Variants in PSMD8 observed in about 807,000 individuals in gnomAD.
PSMD8 encodes proteasome 26S subunit, non-ATPase 8.
Under a neutral mutation model 40.0 loss-of-function variants are expected in PSMD8, and 30 were observed. The ratio of observed to expected loss-of-function variants is 0.75; its 90% CI spans 0.56 to 1.02. PSMD8 has a LOEUF of 1.02. PSMD8 is among the 50% of genes least tolerant of loss of function. The probability of loss-of-function intolerance (pLI) is 0.00; values close to 1 mark genes in which losing one functional copy is unlikely to be tolerated. For missense variants in PSMD8, 461 were observed against 463.9 expected (o/e 0.99, Z 0.06); for synonymous variants, 208 against 192.5 (o/e 1.08, Z -0.67).
intron 4 of PSMD8, among the ~76,000 whole-genome samples, chr19:38,380,266 A>G (rs1187580811): frequency 1.3e-5 from 2 of 152,212 alleles, no homozygotes; most frequent in Non-Finnish European, 2.9e-5. Context: ...AGCCTGGGCA[A>G]CAGGCTCAAA....
chr19:38,380,723 T>TGCGCGC (rs1555743510), intron 4 of PSMD8, among the ~76,000 whole-genome samples, 176 bp from the exon 5 acceptor site: 1 of 143,896 alleles, frequency 6.9e-6, no homozygotes, highest in Non-Finnish European at 1.5e-5. Flanking sequence ...TGTGTGTGTG[T>TGCGCGC]GTGTGTGCGC....
chr19:38,376,286 T>TG (rs1255320993), intron 2 of PSMD8, 54 bp downstream of exon 2: 2 of 1,536,978 alleles, frequency 1.3e-6, no homozygotes. Context: ...ATGGCAGGAA[T>TG]GGTAGCACTG....
At chr19:38,382,301 G>C in intron 6 of PSMD8, 73 bp downstream of exon 6, 1 of 1,217,650 alleles carries the variant, frequency 8.2e-7, no homozygotes. Flanking sequence ...GGGTGGCTTA[G>C]AGGGACACTG....
chr19:38,380,728 G>GTA lies in PSMD8; in HGVS notation c.703-170_703-169insAT, dbSNP rs1298893413. Among the ~76,000 whole-genome samples the GTA allele has an allele frequency of 2.0e-5, 3 of 151,608 alleles. No individual in the cohort carries two copies. In the East Asian group the frequency reaches 5.8e-4, roughly 29 times the overall value. ...AGAGAGTGTGTGTGTGTGTGTGTGT[G>GTA]TGCGCATAAACCAGCAAGGGCTTTC... is the stretch of plus-strand genomic sequence containing the variant. On this transcript the variant is annotated intron_variant, in intron 4 of 6. Transcript: ENST00000215071.
Position 38,374,576 on chromosome 19 carries a change from A to T in PSMD8, c.-26A>T, listed in dbSNP as rs1464277000. On this transcript the variant is annotated 5_prime_UTR_variant, in exon 1 of 7. Coordinates refer to ENST00000215071, the MANE Select transcript of PSMD8 (RefSeq NM_002812.5). ...CAACTTCCGGTCACCATCTTGAGTG[A>T]CGACAGAGGCGGAGCTCCAACTGAC... 1.4e-6 allele frequency: 2 copies of T among 1,440,984 alleles called. No individual in the cohort carries two copies. Among genetic ancestry groups the T allele is most frequent in the Admixed American group, 5.7e-5 (2 of 34,840 alleles). 89.3% of individuals were successfully genotyped at this position (1,440,984 alleles called of 1,614,324 possible).
chr19:38,375,566 C>G, intron 1 of PSMD8: 1 of 172,652 alleles, frequency 5.8e-6, no homozygotes, highest in Non-Finnish European at 1.3e-5. Context: ...TCTGAGAGAT[C>G]TGGGGCTTAG....
intron 4 of PSMD8, among the ~76,000 whole-genome samples, chr19:38,380,631 T>C (rs536082305): frequency 1.6e-4 from 20 of 123,710 alleles, no homozygotes; most frequent in Admixed American, 9.8e-5. Context: ...GTAGATGAGA[T>C]AATGAGATGC....
chr19:38,378,420 A>G (rs971206132), intron 3 of PSMD8, among the ~76,000 whole-genome samples: 3 of 151,464 alleles, frequency 2.0e-5, no homozygotes, highest in Non-Finnish European at 4.4e-5. Context: ...AGGCAGGAGA[A>G]TGGCATGAAC....
Position 38,374,605 on chromosome 19 carries a change from T to G in PSMD8, c.4T>G (p.Phe2Val), listed in dbSNP as rs745705909. The change falls in exon 1 of 7, where the codon TTC (phenylalanine) becomes GTC (valine). Residue 2 changes from phenylalanine (F) to valine (V), a missense_variant. Physicochemically the swap from Phe to Val is conservative, Grantham distance 50. Transcript: ENST00000215071. ...CAGAGGCGGAGCTCCAACTGACATG[T>G]TCATTAAGGGCAGGGCTCCGAGGGC... M[F>V]IKGRAPRAPP... 1.4e-6 allele frequency: 2 copies of G among 1,474,446 alleles called. No homozygotes were observed. Among genetic ancestry groups the G allele is most frequent in the Non-Finnish European group, 1.8e-6 (2 of 1,117,920 alleles). 91.3% of individuals were successfully genotyped at this position (1,474,446 alleles called of 1,614,324 possible).
chr19:38,376,920 A>T (rs78457867), intron 3 of PSMD8, among the ~76,000 whole-genome samples: 1,612 of 152,266 alleles, frequency 0.011, 23 homozygotes, highest in East Asian at 0.035. Context: ...CTCTCACTGG[A>T]CTGTGAGCTT....
chr19:38,375,533 G>A (rs969521737), intron 1 of PSMD8: 1 of 175,590 alleles, frequency 5.7e-6, no homozygotes, highest in South Asian at 1.1e-4. Flanking sequence ...AGGGTGTGTG[G>A]TTAAGACCAG....
At chr19:38,375,191 A>G (rs927686517) in intron 1 of PSMD8, 3 of 707,724 alleles carry the variant, frequency 4.2e-6, no homozygotes, top group East Asian at 3.2e-5. Context: ...CTGTAATCGC[A>G]GCGCTTTGGG....
chr19:38,376,578 C>T (rs1219349117), intron 3 of PSMD8, 124 bp downstream of exon 3: 8 of 853,512 alleles, frequency 9.4e-6, no homozygotes, highest in Non-Finnish European at 9.4e-6. Flanking sequence ...GTTCTCTCCT[C>T]AGTGGTGCAG....
chr19:38,379,119 A>T, intron 3 of PSMD8, 121 bp from the exon 4 acceptor site: 1 of 1,018,684 alleles, frequency 9.8e-7, no homozygotes, highest in Admixed American at 2.7e-5. Flanking sequence ...ATGAAAACCC[A>T]GGACCTGATA....
chr19:38,378,688 T>C (rs1970616797), intron 3 of PSMD8, among the ~76,000 whole-genome samples: 1 of 147,852 alleles, frequency 6.8e-6, no homozygotes, highest in Non-Finnish European at 1.5e-5. Context: ...GCGCAGTGGC[T>C]CATACCTGTA....
intron 4 of PSMD8, 40 bp downstream of exon 4, chr19:38,379,445 G>C (rs372291482): frequency 1.2e-6 from 2 of 1,607,862 alleles, no homozygotes; most frequent in Non-Finnish European, 1.7e-6. Context: ...GGCCAAAGTG[G>C]GTGGTGCAGG....
At chr19:38,380,844 C>T (rs956017204) in intron 4 of PSMD8, 55 bp from the exon 5 acceptor site, 3 of 1,385,848 alleles carry the variant, frequency 2.2e-6, no homozygotes, top group Non-Finnish European at 3.0e-6. Flanking sequence ...CACAGGTAGG[C>T]CCCTTTGCAG....
intron 3 of PSMD8, 123 bp from the exon 4 acceptor site, chr19:38,379,117 C>G: frequency 1.0e-6 from 1 of 1,004,342 alleles, no homozygotes; most frequent in Non-Finnish European, 1.4e-6. Flanking sequence ...ATATGAAAAC[C>G]CAGGACCTGA....
rs201431320 is a variant in PSMD8 at position 38,379,231 on chromosome 19, C to T, written c.537-9C>T. On this transcript the variant is annotated splice_polypyrimidine_tract_variant and intron_variant, in intron 3 of 6. Coordinates refer to ENST00000215071, the MANE Select transcript of PSMD8 (RefSeq NM_002812.5). ...CTCCTTAACCTGCTTCCCCATCCCA[C>T]GTCCACAGGGAGCAGCTCCCCGAGT... The T allele has an allele frequency of 1.1e-5, 17 of 1,612,558 alleles. No individual in the cohort carries two copies. Among genetic ancestry groups the T allele is most frequent in the African/African-American group, 2.7e-5 (2 of 74,892 alleles).
Sources: gnomAD v4.1 joint callset for allele counts (sites outside exome capture counted in the v4.1 genomes callset) on GRCh38, gnomAD v4.1.1 for gene constraint, MANE v1.5 for transcripts, NCBI Gene and HGNC (gene_info 2026-07-23, HGNC 2026-07-21) for gene names.